Variants in SEC31A observed in about 807,000 individuals in gnomAD.
SEC31A encodes the protein SEC31 homolog A, COPII component.
A neutral mutation model predicts 151.0 loss-of-function variants in SEC31A; 70 were observed. That is an observed-to-expected ratio of 0.46 (90% CI 0.38 to 0.57). The LOEUF (loss-of-function observed/expected upper bound fraction) is 0.57. Ranked by LOEUF, SEC31A falls within the 20% of genes least tolerant of loss-of-function variation. The pLI is 0.00. For missense variants in SEC31A, 1,330 were observed against 1,471.2 expected (o/e 0.90, Z 1.57); for synonymous variants, 475 against 505.9 (o/e 0.94, Z 0.82).
chr4:82,884,440 G>C (rs1413304121), intron 1 of SEC31A, among the ~76,000 whole-genome samples: 1 of 152,088 alleles, frequency 6.6e-6, no homozygotes. Flanking sequence ...TCCTAGAAAA[G>C]TTGAGCCACA....
Position 82,878,815 on chromosome 4 carries a change from A to C in SEC31A, c.317T>G (p.Ile106Ser). ...CACAACTTCCTTGTCTCCAGCTATA[A>C]TTTTAGAAGGATCATAGAGAATAAT... ...GNIILYDPSK[I>S]IAGDKEVVIA... The change falls in exon 4 of 27, where the codon ATT becomes AGT. Residue 106 changes from isoleucine (I) to serine (S), a missense_variant. Physicochemically the swap from Ile to Ser is moderately radical, Grantham distance 142. Coordinates refer to ENST00000395310, the MANE Select transcript of SEC31A (RefSeq NM_001077207.4). 1.2e-6 allele frequency: 2 copies of C among 1,614,038 alleles called. No homozygotes were observed. Among genetic ancestry groups the C allele is most frequent in the Non-Finnish European group, 1.7e-6 (2 of 1,179,936 alleles).
intron 22 of SEC31A, 70 bp downstream of exon 22, chr4:82,842,070 C>G: frequency 8.1e-7 from 1 of 1,231,464 alleles, no homozygotes; most frequent in Non-Finnish European, 1.1e-6. Context: ...AAATAATACC[C>G]CTCCATCCAC....
chr4:82,870,064 G>C (rs1209907932), intron 8 of SEC31A, among the ~76,000 whole-genome samples: 4 of 152,070 alleles, frequency 2.6e-5, no homozygotes, highest in African/African-American at 4.8e-5. Context: ...TCTGAGTCTA[G>C]GTAATAAACA....
At chr4:82,845,695 A>G (rs944331855) in intron 20 of SEC31A, among the ~76,000 whole-genome samples, 2 of 152,154 alleles carry the variant, frequency 1.3e-5, no homozygotes, top group African/African-American at 4.8e-5. Context: ...AAGCATTAAT[A>G]GTATTCAAGC....
intron 1 of SEC31A, among the ~76,000 whole-genome samples, chr4:82,889,143 T>C (rs1403243742): frequency 6.6e-6 from 1 of 152,250 alleles, no homozygotes; most frequent in East Asian, 1.9e-4. Flanking sequence ...AAAGCAACTG[T>C]GCACTGGTTA....
At chr4:82,888,350 C>CAAAAAAA (rs1177774222) in intron 1 of SEC31A, among the ~76,000 whole-genome samples, 1 of 26,160 alleles carries the variant, frequency 3.8e-5, no homozygotes, top group Non-Finnish European at 6.9e-5. Flanking sequence ...GACTCCGTCT[C>CAAAAAAA]AAAAAAAAAA....
At chr4:82,825,322 G>C (rs1057358531) in intron 24 of SEC31A, among the ~76,000 whole-genome samples, 27 of 152,348 alleles carry the variant, frequency 1.8e-4, no homozygotes, top group Middle Eastern at 3.4e-3. Context: ...AATGATCTCA[G>C]TTCTCAGGGA....
At chr4:82,829,642 G>A (rs1314703463) in intron 22 of SEC31A, among the ~76,000 whole-genome samples, 2 of 151,920 alleles carry the variant, frequency 1.3e-5, no homozygotes, top group Non-Finnish European at 2.9e-5. Context: ...GTAAAAAAGG[G>A]TATTCAAATA....
intron 18 of SEC31A, among the ~76,000 whole-genome samples, chr4:82,852,514 A>G (rs1054951944): frequency 2.0e-5 from 3 of 152,218 alleles, no homozygotes; most frequent in Admixed American, 1.3e-4. Flanking sequence ...TCCTAAGTGC[A>G]TAAATCCAAA....
At chr4:82,864,213 T>A (rs1232867971) in intron 11 of SEC31A, 149 bp downstream of exon 11, 12 of 621,888 alleles carry the variant, frequency 1.9e-5, no homozygotes, top group Non-Finnish European at 3.1e-5. Flanking sequence ...TTAGGTTGTA[T>A]GCTCTTTATA....
intron 14 of SEC31A, among the ~76,000 whole-genome samples, chr4:82,858,564 A>ACC (rs1560627858): frequency 1.4e-5 from 2 of 143,726 alleles, no homozygotes; most frequent in East Asian, 2.0e-4. Flanking sequence ...AAAAAAAAAA[A>ACC]AAAAAAGAAC....
At position 82,842,319 on chromosome 4, in the gene SEC31A, T is replaced by C; in HGVS notation, c.2789A>G (p.His930Arg). ...TGQSQLYAAQ[H>R]QASSPTSSPA... ...GCTGGAGGTAGGTGAAGAGGCCTGG[T>C]GCTGTGCTGCGTACAGCTGAGACTG... Residue 930 changes from histidine to arginine, a missense_variant, in exon 22 of 27, where the codon CAC becomes CGC. Transcript: ENST00000395310. 3.1e-6 allele frequency: 5 copies of C among 1,613,566 alleles called. No homozygotes were observed. Among genetic ancestry groups the C allele is most frequent in the Non-Finnish European group, 4.2e-6 (5 of 1,179,746 alleles).
Position 82,851,519 on chromosome 4 carries a change from G to A in SEC31A, c.2240C>T (p.Ala747Val), listed in dbSNP as rs763269557. 6.2e-7 allele frequency: 1 copy of A among 1,614,088 alleles called. No homozygotes were observed. Among genetic ancestry groups the A allele is most frequent in the African/African-American group, 1.3e-5 (1 of 75,058 alleles). Residue 747 changes from alanine to valine, a missense_variant, in exon 19 of 27, where the codon GCT becomes GTT. Ala to Val is a moderately conservative substitution (Grantham distance 64, BLOSUM62 0). Coordinates refer to ENST00000395310, the MANE Select transcript of SEC31A (RefSeq NM_001077207.4). ...ATTGGCATACTGACTCATCTTCGCAGCCAAGAGAACTCCTACAGTACTAGT... is the reference window on the plus strand; with the variant it reads ...ATTGGCATACTGACTCATCTTCGCAACCAAGAGAACTCCTACAGTACTAGT... ...MDTSTVGVLL[A>V]AKMSQYANLL...
chr4:82,827,896 T>C (rs1169118137), intron 23 of SEC31A, among the ~76,000 whole-genome samples: 2 of 149,752 alleles, frequency 1.3e-5, no homozygotes, highest in Non-Finnish European at 3.0e-5. Context: ...TTATCCCCAA[T>C]AAAGCGGAGC....
intron 14 of SEC31A, among the ~76,000 whole-genome samples, chr4:82,860,475 G>T (rs1003832858): frequency 6.6e-6 from 1 of 151,840 alleles, no homozygotes; most frequent in Non-Finnish European, 1.5e-5. Context: ...CTCAAAATTA[G>T]TTCTTTTCTT....
chr4:82,874,190 C>T (rs1429722991), intron 6 of SEC31A, among the ~76,000 whole-genome samples: 4 of 151,694 alleles, frequency 2.6e-5, no homozygotes, highest in African/African-American at 7.3e-5. Context: ...CTCAGCTACT[C>T]GGAAGGCTGG....
chr4:82,887,853 T>C (rs907815858), intron 1 of SEC31A, among the ~76,000 whole-genome samples: 2 of 146,694 alleles, frequency 1.4e-5, no homozygotes, highest in African/African-American at 5.1e-5. Context: ...GGTCAGGAGA[T>C]CGAGACCACG....
At chr4:82,823,048 G>A (rs976097281) in intron 25 of SEC31A, among the ~76,000 whole-genome samples, 16 of 152,078 alleles carry the variant, frequency 1.1e-4, no homozygotes, top group African/African-American at 3.1e-4. Flanking sequence ...AAGGGCAGCC[G>A]GACAGGCAGG....
chr4:82,874,794 T>C (rs1227185085), intron 5 of SEC31A, 43 bp from the exon 6 acceptor site: 4 of 1,571,386 alleles, frequency 2.5e-6, no homozygotes, highest in African/African-American at 1.4e-5. Flanking sequence ...TGTTTCTCTA[T>C]TATAATCAAA....
Sources: allele counts gnomAD v4.1 joint callset (sites outside exome capture counted in the v4.1 genomes callset), GRCh38; gene constraint gnomAD v4.1.1; transcripts MANE v1.5; gene names NCBI Gene and HGNC (gene_info 2026-07-23, HGNC 2026-07-21).